Variants in TWSG1 observed in about 807,000 individuals in gnomAD.
TWSG1 encodes the protein twisted gastrulation BMP signaling modulator 1.
A neutral mutation model predicts 23.0 loss-of-function variants in TWSG1; 15 were observed. The observed-to-expected ratio is 0.65, with a 90% CI of 0.44 to 1.00. TWSG1 has a LOEUF of 1.00. Ranked by LOEUF, TWSG1 falls within the 50% of genes least tolerant of loss-of-function variation. TWSG1 has a pLI of 0.00. For synonymous variants in TWSG1, 86 were observed against 92.8 expected, an observed-to-expected ratio of 0.93 and a Z score of 0.42; for missense variants, 242 against 278.7, an observed-to-expected ratio of 0.87 and a Z score of 0.94.
chr18:9,383,778 A>G (rs927344237), intron 3 of TWSG1, among the ~76,000 whole-genome samples: 1 of 152,176 alleles, frequency 6.6e-6, no homozygotes, highest in Admixed American at 6.5e-5. Context: ...ACAAATCAGT[A>G]TCATTAAGGA....
chr18:9,344,855 C>T (rs920575861), intron 2 of TWSG1, among the ~76,000 whole-genome samples: 2 of 152,068 alleles, frequency 1.3e-5, no homozygotes, highest in African/African-American at 2.4e-5. Context: ...CAACACGATC[C>T]TCCTGCCTCA....
At chr18:9,335,547 G>T (rs189139762) in intron 1 of TWSG1, among the ~76,000 whole-genome samples, 2 of 152,218 alleles carry the variant, frequency 1.3e-5, no homozygotes, top group Admixed American at 6.5e-5. Context: ...GGAAATCCCA[G>T]TTTTCATGGT....
intron 3 of TWSG1, among the ~76,000 whole-genome samples, chr18:9,367,262 T>G (rs1234028785): frequency 2.0e-5 from 3 of 152,198 alleles, no homozygotes; most frequent in African/African-American, 7.2e-5. Flanking sequence ...TACATTGTTA[T>G]TAGCTATAGT....
intron 3 of TWSG1, among the ~76,000 whole-genome samples, chr18:9,370,373 C>G (rs1243728890): frequency 6.6e-6 from 1 of 152,000 alleles, no homozygotes; most frequent in Admixed American, 6.6e-5. Flanking sequence ...GTATTTTCCT[C>G]TACCTAGTTT....
At chr18:9,382,083 C>CTTTT (rs11369376) in intron 3 of TWSG1, among the ~76,000 whole-genome samples, 2 of 145,590 alleles carry the variant, frequency 1.4e-5, no homozygotes, top group African/African-American at 5.1e-5. Flanking sequence ...TATTTTTAGT[C>CTTTT]TTTTTTTTTT....
At chr18:9,366,978 G>T (rs962140311) in intron 3 of TWSG1, among the ~76,000 whole-genome samples, 1 of 152,070 alleles carries the variant, frequency 6.6e-6, no homozygotes, top group East Asian at 1.9e-4. Context: ...TTGAGATAGG[G>T]TCTCTGTCAC....
chr18:9,350,533 T>C (rs1333935373), intron 2 of TWSG1, among the ~76,000 whole-genome samples: 1 of 152,206 alleles, frequency 6.6e-6, no homozygotes, highest in Non-Finnish European at 1.5e-5. Context: ...TCCAGCTGGA[T>C]TCTTTTAAAG....
intron 1 of TWSG1, among the ~76,000 whole-genome samples, chr18:9,336,495 A>G (rs2040424389): frequency 6.6e-6 from 1 of 152,142 alleles, no homozygotes; most frequent in Non-Finnish European, 1.5e-5. Context: ...CAATTATTTA[A>G]GAAGTGACTC....
chr18:9,393,064 T>C (rs568858905), intron 3 of TWSG1, among the ~76,000 whole-genome samples: 94 of 152,332 alleles, frequency 6.2e-4, no homozygotes, highest in African/African-American at 2.3e-3. Flanking sequence ...ATGAAATGTT[T>C]GAAATATTGC....
At chr18:9,396,706 A>C in intron 4 of TWSG1, 160 bp downstream of exon 4, 1 of 856,512 alleles carries the variant, frequency 1.2e-6, no homozygotes, top group South Asian at 1.9e-5. Flanking sequence ...ATCCCATCAT[A>C]TCTAGAGGCA....
intron 1 of TWSG1, 89 bp from the exon 2 acceptor site, chr18:9,337,104 G>A (rs946513492): frequency 1.7e-6 from 2 of 1,143,294 alleles, no homozygotes; most frequent in South Asian, 1.4e-5. Flanking sequence ...CACAAACAAT[G>A]AGTCTTAGTT....
chr18:9,340,480 C>T (rs2040441916), intron 2 of TWSG1, among the ~76,000 whole-genome samples: 1 of 151,804 alleles, frequency 6.6e-6, no homozygotes, highest in South Asian at 2.1e-4. Context: ...TGATTAGTTC[C>T]ACTCTTCACC....
intron 3 of TWSG1, among the ~76,000 whole-genome samples, chr18:9,384,169 C>T (rs2040671639): frequency 6.6e-6 from 1 of 152,104 alleles, no homozygotes; most frequent in Admixed American, 6.5e-5. Flanking sequence ...GATTTGGTGA[C>T]AGTTTGGAAA....
At chr18:9,369,350 C>T (rs892371688) in intron 3 of TWSG1, among the ~76,000 whole-genome samples, 3 of 151,996 alleles carry the variant, frequency 2.0e-5, no homozygotes, top group African/African-American at 7.2e-5. Flanking sequence ...CTCACTGCAG[C>T]CTCCACCTCC....
chr18:9,351,107 CTTAAT>C (rs1388128432), intron 2 of TWSG1, among the ~76,000 whole-genome samples: 2 of 151,844 alleles, frequency 1.3e-5, no homozygotes, highest in Non-Finnish European at 2.9e-5. Flanking sequence ...ACTTAGTTTC[CTTAAT>C]TTAAGAACCT....
intron 2 of TWSG1, among the ~76,000 whole-genome samples, chr18:9,347,843 A>C (rs1441468546): frequency 6.6e-6 from 1 of 151,452 alleles, no homozygotes; most frequent in Non-Finnish European, 1.5e-5. Flanking sequence ...TGGATGCATT[A>C]TTTTCCTCAG....
chr18:9,370,653 A>G (rs1031780417), intron 3 of TWSG1, among the ~76,000 whole-genome samples: 8 of 152,206 alleles, frequency 5.3e-5, no homozygotes, highest in Admixed American at 2.0e-4. Context: ...AAAACCGACT[A>G]AAAAAGAAAA....
intron 4 of TWSG1, among the ~76,000 whole-genome samples, chr18:9,398,192 T>G (rs2040746688): frequency 6.6e-6 from 1 of 152,156 alleles, no homozygotes. Flanking sequence ...AATGCAATAA[T>G]AATATGTTTT....
At chr18:9,341,622 C>G (rs1316319495) in intron 2 of TWSG1, among the ~76,000 whole-genome samples, 1 of 152,084 alleles carries the variant, frequency 6.6e-6, no homozygotes, top group Non-Finnish European at 1.5e-5. Context: ...TCATGTCATC[C>G]TTCCCACTCC....
Sources: gnomAD v4.1 joint callset for allele counts (sites outside exome capture counted in the v4.1 genomes callset) on GRCh38, gnomAD v4.1.1 for gene constraint, MANE v1.5 for transcripts, NCBI Gene and HGNC (gene_info 2026-07-23, HGNC 2026-07-21) for gene names.